COMMD1: variants seen among roughly 807,000 people sequenced by gnomAD.
COMMD1 encodes copper metabolism domain containing 1, also known as COMM domain-containing protein 1.
COMMD1 carries 10 observed loss-of-function variants against 17.2 expected under a neutral mutation model. The ratio of observed to expected loss-of-function variants is 0.58; its 90% CI spans 0.36 to 0.99. COMMD1 has a LOEUF of 0.99. Ranked by LOEUF, COMMD1 falls within the 50% of genes least tolerant of loss-of-function variation. The pLI is 0.01. For synonymous variants in COMMD1, 97 were observed against 91.6 expected (o/e 1.06, Z -0.34); for missense variants, 270 against 231.8 (o/e 1.17, Z -1.07).
upstream of COMMD1, among the ~76,000 whole-genome samples, chr2:61,904,262 C>T (rs1197355944): frequency 2.6e-5 from 4 of 152,272 alleles, no homozygotes; most frequent in Admixed American, 6.5e-5. Flanking sequence ...CCGTCTGCCT[C>T]GGCCTTCCAA....
chr2:62,000,858 G>A lies in COMMD1; in HGVS notation c.338G>A (p.Ser113Asn). The change falls in exon 2 of 3, where the codon AGC (serine) becomes AAC (asparagine). Residue 113 changes from serine (S) to asparagine (N), a missense_variant. Physicochemically the swap from Ser to Asn is conservative, Grantham distance 46. Coordinates refer to ENST00000311832, the MANE Select transcript of COMMD1 (RefSeq NM_152516.4). Reference sequence around the variant, plus strand: ...ATCCGTGAGAGCCTCATGAACCAGAGCCGCTGGAATAGCGGGCTTCGGGGC... The same window carrying A: ...ATCCGTGAGAGCCTCATGAACCAGAACCGCTGGAATAGCGGGCTTCGGGGC... ...TKIRESLMNQ[S>N]RWNSGLRGLS... The A allele has an allele frequency of 6.2e-7, 1 of 1,614,120 alleles. No homozygotes were observed. The highest frequency in any genetic ancestry group is 8.5e-7 in the Non-Finnish European group (1 of 1,180,022).
Position 61,963,169 on chromosome 2 carries a change from A to T in COMMD1, c.181-37532A>T, listed in dbSNP as rs186563934. Among the ~76,000 whole-genome samples, 668 of 143,562 alleles carry T rather than the reference A, an allele frequency of 4.7e-3. 8 individuals carry two copies. The highest frequency in any genetic ancestry group is 0.035 in the Middle Eastern group (10 of 288). The allele number at this position is 143,562 out of a possible 152,430, so 94.2% of individuals were successfully genotyped here. On this transcript the variant is annotated intron_variant, in intron 1 of 2. Coordinates refer to ENST00000311832, the MANE Select transcript of COMMD1 (RefSeq NM_152516.4). ...AGTGAGACCCTGTCTCAAAAAAAAA[A>T]ATATATATATATATATTATATACAC...
At chr2:61,916,886 A>T (rs1271750861) in intron 1 of COMMD1, among the ~76,000 whole-genome samples, 3 of 152,176 alleles carry the variant, frequency 2.0e-5, no homozygotes, top group African/African-American at 7.2e-5. Flanking sequence ...TTGGGGTATG[A>T]TGTAAATTGT....
intron 1 of COMMD1, among the ~76,000 whole-genome samples, chr2:61,942,834 G>A (rs570337287): frequency 1.3e-5 from 2 of 152,064 alleles, no homozygotes; most frequent in South Asian, 2.1e-4. Context: ...CACTGTGTCC[G>A]GCTGTTAATT....
At chr2:61,923,381 C>A (rs549101572) in intron 1 of COMMD1, among the ~76,000 whole-genome samples, 11 of 151,980 alleles carry the variant, frequency 7.2e-5, no homozygotes, top group Non-Finnish European at 8.8e-5. Flanking sequence ...GGGGAATATA[C>A]AGATGAGGAA....
At chr2:62,129,975 A>T (rs1476563845) in intron 2 of COMMD1, among the ~76,000 whole-genome samples, 1 of 152,130 alleles carries the variant, frequency 6.6e-6, no homozygotes, top group Non-Finnish European at 1.5e-5. Flanking sequence ...GGAGATCGAG[A>T]TCATCCTGGC....
intron 2 of COMMD1, among the ~76,000 whole-genome samples, chr2:62,133,553 A>G (rs1480190479): frequency 6.6e-6 from 1 of 152,094 alleles, no homozygotes; most frequent in Non-Finnish European, 1.5e-5. Context: ...TTAACAGAAA[A>G]AAAAAAAAAA....
At chr2:61,935,983 A>G (rs577922235) in intron 1 of COMMD1, among the ~76,000 whole-genome samples, 5 of 151,822 alleles carry the variant, frequency 3.3e-5, no homozygotes, top group Non-Finnish European at 5.9e-5. Flanking sequence ...TACCTGGCTA[A>G]TTTTTTGTAT....
intron 2 of COMMD1, among the ~76,000 whole-genome samples, chr2:62,041,829 C>T (rs945015016): frequency 9.9e-5 from 15 of 152,174 alleles, no homozygotes; most frequent in African/African-American, 3.6e-4. Flanking sequence ...GTCTCGCTGG[C>T]TTCAGGAGTC....
At chr2:61,979,367 C>T (rs10168703) in intron 1 of COMMD1, among the ~76,000 whole-genome samples, 36 of 152,228 alleles carry the variant, frequency 2.4e-4, no homozygotes, top group African/African-American at 8.2e-4. Flanking sequence ...ACCCCAGCTA[C>T]TCAGGAGGCT....
At chr2:62,042,621 C>T (rs183911704) in intron 2 of COMMD1, among the ~76,000 whole-genome samples, 100 of 152,294 alleles carry the variant, frequency 6.6e-4, no homozygotes, top group Non-Finnish European at 1.2e-3. Context: ...CACCTCCCCG[C>T]GAGCAGGGGG....
chr2:62,136,025 T>C lies in COMMD1; in HGVS notation c.*84T>C, dbSNP rs1038689777. The C allele has an allele frequency of 6.6e-6, 5 of 762,332 alleles. No homozygotes were observed. The African/African-American group carries it at 8.5e-5, about 13-fold the overall frequency. 47.2% of individuals were successfully genotyped at this position (762,332 alleles called of 1,614,324 possible). A position where few individuals can be genotyped will look rare whatever the true frequency, so the allele number is the denominator to read the frequency against. ...CTGACCTTTTCTAAGAAAATTCTTG[T>C]GCCCGCATTGGTATTAAATCCTCGC... is the stretch of plus-strand genomic sequence containing the variant. On this transcript the variant is annotated 3_prime_UTR_variant, in exon 3 of 3. Transcript: ENST00000311832.
At chr2:62,034,134 G>A (rs1030468894) in intron 2 of COMMD1, among the ~76,000 whole-genome samples, 7 of 151,236 alleles carry the variant, frequency 4.6e-5, no homozygotes, top group African/African-American at 1.5e-4. Context: ...AAGAGGTTAC[G>A]GATTTGAAAT....
At chr2:62,005,529 C>T (rs1402452766) in intron 2 of COMMD1, among the ~76,000 whole-genome samples, 1 of 152,098 alleles carries the variant, frequency 6.6e-6, no homozygotes, top group African/African-American at 2.4e-5. Context: ...AAAAAGTGGG[C>T]AAAGGATATG....
chr2:62,118,424 C>T (rs905402356), intron 2 of COMMD1: 7 of 152,222 alleles, frequency 4.6e-5, no homozygotes, highest in Admixed American at 4.6e-4. Flanking sequence ...TCCTATCTTC[C>T]TGTCTGTCTA....
chr2:61,913,665 G>T (rs1297269948), intron 1 of COMMD1, among the ~76,000 whole-genome samples: 3 of 151,348 alleles, frequency 2.0e-5, no homozygotes, highest in African/African-American at 7.3e-5. Context: ...GCATGGTGGC[G>T]GGCTTCTATA....
intron 1 of COMMD1, among the ~76,000 whole-genome samples, chr2:61,916,730 AT>A (rs1425633864): frequency 6.6e-6 from 1 of 152,150 alleles, no homozygotes; most frequent in Non-Finnish European, 1.5e-5. Flanking sequence ...TCTGACCTGT[AT>A]TTAGCTTTTT....
chr2:61,891,658 G>C (rs576869934), intron 1 of COMMD1, among the ~76,000 whole-genome samples: 2 of 151,862 alleles, frequency 1.3e-5, no homozygotes, highest in Non-Finnish European at 2.9e-5. Context: ...AACTCGGGAG[G>C]CAGAGGTTGT....
At chr2:61,917,295 T>A (rs1305683145) in intron 1 of COMMD1, among the ~76,000 whole-genome samples, 1 of 151,304 alleles carries the variant, frequency 6.6e-6, no homozygotes, top group African/African-American at 2.4e-5. Context: ...AGGCGGAGGT[T>A]GCAGTGAGCC....
Sources: allele counts gnomAD v4.1 joint callset (sites outside exome capture counted in the v4.1 genomes callset), GRCh38; gene constraint gnomAD v4.1.1; transcripts MANE v1.5; gene names NCBI Gene and HGNC (gene_info 2026-07-23, HGNC 2026-07-21).